Variants in TEX9 observed in about 807,000 individuals in gnomAD.
The protein encoded by TEX9 is testis expressed 9, also known as testis-expressed protein 9.
TEX9 carries 74 observed loss-of-function variants against 59.6 expected under a neutral mutation model. The ratio of observed to expected loss-of-function variants is 1.24; its 90% CI spans 1.03 to 1.51. The LOEUF (loss-of-function observed/expected upper bound fraction) is 1.51, where lower values mean the gene tolerates loss of function less well. Among genes scored for constraint, TEX9 ranks in the 40% most tolerant of loss-of-function variants. TEX9 has a pLI of 0.00. For missense variants in TEX9, 522 were observed against 447.8 expected, an observed-to-expected ratio of 1.17 and a Z score of -1.49; for synonymous variants, 186 against 152.2, an observed-to-expected ratio of 1.22 and a Z score of -1.64.
chr15:56,362,217 T>C (rs2046803236), upstream of TEX9, among the ~76,000 whole-genome samples: 2 of 152,230 alleles, frequency 1.3e-5, no homozygotes, highest in South Asian at 4.1e-4. Context: ...ATTTTCTGCC[T>C]GCTTAACCTG....
At chr15:56,439,805 A>G (rs1435791405) in intron 12 of TEX9, among the ~76,000 whole-genome samples, 1 of 148,656 alleles carries the variant, frequency 6.7e-6, no homozygotes, top group East Asian at 2.0e-4. Context: ...AACCTTTAGG[A>G]AAAAAAAAAG....
exon 11 of TEX9, chr15:56,427,605 G>C: frequency 6.6e-7 from 1 of 1,519,082 alleles, no homozygotes; most frequent in Non-Finnish European, 8.8e-7. Context: ...CCTTGTGTAG[G>C]ACATAGCAAA....
chr15:56,427,586 C>CT lies in TEX9; in HGVS notation c.964-11dup, dbSNP rs553450981. 9.0e-4 allele frequency: 1,315 copies of CT among 1,453,518 alleles called. 8 individuals carry two copies. The African/African-American group carries it at 9.8e-3, about 11-fold the overall frequency. The allele number at this position is 1,453,518 out of a possible 1,614,324, so 90.0% of individuals were successfully genotyped here. On this transcript the variant is annotated intron_variant, in intron 10 of 12. Transcript: ENST00000352903. ...GGCTGTATATTAAAAATATATGGCA[C>CT]TTTTTTTTCCTTGTGTAGGACATAG...
At chr15:56,403,770 C>G (rs1038018501) in intron 9 of TEX9, among the ~76,000 whole-genome samples, 1 of 151,758 alleles carries the variant, frequency 6.6e-6, no homozygotes, top group Non-Finnish European at 1.5e-5. Flanking sequence ...CGTGGTACTG[C>G]TACCAAAACA....
chr15:56,333,078 T>C lies in TEX9; in HGVS notation c.-106-40363T>C, dbSNP rs549531501. Among the ~76,000 whole-genome samples, 14 of 152,270 alleles carry C rather than the reference T, an allele frequency of 9.2e-5. No individual in the cohort carries two copies. The South Asian group carries it at 2.1e-3, about 23-fold the overall frequency. ...AGGACTTGATGGCTTTTTTGCTGAA[T>C]TCCACCAAACATTTAAAGAAGAAGT... On this transcript the variant is annotated intron_variant, in intron 1 of 5. Transcript: ENST00000560827.
chr15:56,309,764 TAGAGA>T (rs1322251585), intron 1 of TEX9, among the ~76,000 whole-genome samples: 1 of 129,796 alleles, frequency 7.7e-6, no homozygotes, highest in Non-Finnish European at 1.5e-5. Context: ...CAATTAACAG[TAGAGA>T]AAAGAGCTGA....
chr15:56,319,738 A>T (rs2045861093), intron 1 of TEX9, among the ~76,000 whole-genome samples: 1 of 152,160 alleles, frequency 6.6e-6, no homozygotes, highest in African/African-American at 2.4e-5. Context: ...AATTCCCAGG[A>T]TGAGGAGGCA....
intron 1 of TEX9, among the ~76,000 whole-genome samples, chr15:56,331,595 C>A (rs865776345): frequency 6.6e-6 from 1 of 152,008 alleles, no homozygotes; most frequent in Non-Finnish European, 1.5e-5. Flanking sequence ...TGAAAAATTT[C>A]TTGAAACAAA....
the TEX9 span, among the ~76,000 whole-genome samples, chr15:56,455,937 A>G: frequency 6.6e-6 from 1 of 152,182 alleles, no homozygotes; most frequent in Non-Finnish European, 1.5e-5. Context: ...GAAGTCACAG[A>G]GAAATTAATT....
chr15:56,343,631 C>T lies in TEX9; in HGVS notation c.-106-29810C>T, dbSNP rs117038979. Reference sequence around the variant, plus strand: ...AACAACTTCATACTAACAAATTTTACAATTTAGATGAAATGAACTGACACC... The same window carrying T: ...AACAACTTCATACTAACAAATTTTATAATTTAGATGAAATGAACTGACACC... On this transcript the variant is annotated intron_variant, in intron 1 of 5. Transcript: ENST00000560827. Among the ~76,000 whole-genome samples, 25 of 152,056 alleles carry T rather than the reference C, an allele frequency of 1.6e-4. No homozygotes were observed. The East Asian group carries it at 4.6e-3, about 28-fold the overall frequency.
chr15:56,285,846 A>T (rs1344938820), intron 1 of TEX9, among the ~76,000 whole-genome samples: 1 of 152,190 alleles, frequency 6.6e-6, no homozygotes, highest in Non-Finnish European at 1.5e-5. Flanking sequence ...AGCAAACTAA[A>T]TGACAAGGTA....
In TEX9 at chr15:56,271,083, C is replaced by T. The variant is rs549131738; in HGVS notation, c.-107+26805C>T. Reference sequence around the variant, plus strand: ...GCCCTTAACATTTTTCCCTTCATTTCAACCTTGGTGAATCTGACAATTATG... The same window carrying T: ...GCCCTTAACATTTTTCCCTTCATTTTAACCTTGGTGAATCTGACAATTATG... On this transcript the variant is annotated intron_variant, in intron 1 of 5. Transcript: ENST00000560827. Among the ~76,000 whole-genome samples, 420 of 152,250 alleles carry T rather than the reference C, an allele frequency of 2.8e-3. 4 individuals carry two copies. The highest frequency in any genetic ancestry group is 0.017 in the South Asian group (80 of 4,818).
At chr15:56,303,767 T>A (rs77861068) in intron 1 of TEX9, among the ~76,000 whole-genome samples, 9,273 of 151,938 alleles carry the variant, frequency 0.061, 694 homozygotes, top group East Asian at 0.37. Context: ...TTATCCAGAA[T>A]AAGAAAAGTG....
chr15:56,435,827 G>C (rs555441079), intron 12 of TEX9, among the ~76,000 whole-genome samples: 1 of 152,004 alleles, frequency 6.6e-6, no homozygotes, highest in Non-Finnish European at 1.5e-5. Flanking sequence ...TATGAAGATA[G>C]TATTACCCCG....
chr15:56,456,179 A>C, the TEX9 span, among the ~76,000 whole-genome samples: 253 of 152,256 alleles, frequency 1.7e-3, no homozygotes, highest in Non-Finnish European at 3.1e-3. Context: ...AGGGGGACTG[A>C]TATTTATTTT....
At chr15:56,256,050 G>T (rs761444724) in intron 1 of TEX9, among the ~76,000 whole-genome samples, 7 of 151,284 alleles carry the variant, frequency 4.6e-5, no homozygotes, top group South Asian at 2.1e-4. Flanking sequence ...TTATAAACTT[G>T]GAAATAAAAA....
intron 9 of TEX9, among the ~76,000 whole-genome samples, chr15:56,401,956 A>G (rs1596190180): frequency 6.6e-6 from 1 of 152,248 alleles, no homozygotes. Flanking sequence ...ACAACATACC[A>G]GAATCTCTGA....
At chr15:56,436,995 T>A (rs946071462) in intron 12 of TEX9, among the ~76,000 whole-genome samples, 3 of 152,120 alleles carry the variant, frequency 2.0e-5, no homozygotes, top group Non-Finnish European at 4.4e-5. Context: ...CAGGACCAGA[T>A]GGATTCACAG....
At chr15:56,365,390 T>G (rs1386672932), upstream of TEX9, 6 of 1,581,196 alleles carry the variant, frequency 3.8e-6, no homozygotes, top group Non-Finnish European at 5.2e-6. Flanking sequence ...GCAACCGGGA[T>G]GTGGAAACTC....
Sources: allele counts gnomAD v4.1 joint callset (sites outside exome capture counted in the v4.1 genomes callset), GRCh38; gene constraint gnomAD v4.1.1; transcripts MANE v1.5; gene names NCBI Gene and HGNC (gene_info 2026-07-23, HGNC 2026-07-21).